Variants in GABRG3 observed in about 807,000 individuals in gnomAD.
GABRG3 encodes the protein gamma-aminobutyric acid type A receptor subunit gamma3.
A neutral mutation model predicts 48.8 loss-of-function variants in GABRG3; 25 were observed. The observed-to-expected ratio is 0.51, with a 90% confidence interval of 0.37 to 0.72. The LOEUF is 0.72. Among genes scored for constraint, GABRG3 ranks in the 30% least tolerant of loss-of-function variants. The probability of loss-of-function intolerance (pLI) is 0.00; values close to 1 mark genes in which losing one functional copy is unlikely to be tolerated. For synonymous variants in GABRG3, 227 were observed against 217.6 expected, an observed-to-expected ratio of 1.04 and a Z score of -0.38; for missense variants, 394 against 577.9, an observed-to-expected ratio of 0.68 and a Z score of 3.26.
At chr15:27,392,028 A>C (rs28675337) in intron 5 of GABRG3, among the ~76,000 whole-genome samples, 69,450 of 152,030 alleles carry the variant, frequency 0.46, 16,650 homozygotes, top group East Asian at 0.85. Flanking sequence ...ACTGTCTTTA[A>C]ATTTTTTAAA....
At chr15:27,498,797 C>T (rs145780643) in intron 6 of GABRG3, among the ~76,000 whole-genome samples, 168 of 152,112 alleles carry the variant, frequency 1.1e-3, no homozygotes, top group African/African-American at 3.4e-3. Flanking sequence ...TGAGCCACCA[C>T]GCCCGGCCAG....
At chr15:27,328,413 G>A (rs752567610) in intron 4 of GABRG3, among the ~76,000 whole-genome samples, 5 of 152,188 alleles carry the variant, frequency 3.3e-5, no homozygotes, top group Non-Finnish European at 7.4e-5. Context: ...AATCCCCCCC[G>A]ATGCGTGCAT....
In GABRG3 at chr15:26,976,582, G is replaced by C. The variant is rs1290472229; in HGVS notation, c.54-420G>C. On this transcript the variant is annotated intron_variant, in intron 1 of 9. Transcript: ENST00000615808. The surrounding 1 kb of genome is among the most constrained non-coding windows in gnomAD (Gnocchi z 7.8). The stretch of plus-strand genomic sequence containing the variant: ...CTAATCTCACCTTCAACGAAAATGA[G>C]GTCTTGGTGGTCAGGGTGGAAACAC... Among the ~76,000 whole-genome samples the C allele has an allele frequency of 3.3e-5, 5 of 152,118 alleles. No homozygotes were observed. The highest frequency in any genetic ancestry group is 9.7e-5 in the African/African-American group (4 of 41,408).
intron 3 of GABRG3, among the ~76,000 whole-genome samples, chr15:27,031,931 A>G (rs1481369957): frequency 6.6e-6 from 1 of 152,234 alleles, no homozygotes; most frequent in Non-Finnish European, 1.5e-5. Context: ...CGTAAAGTTC[A>G]TAGCAGTTTT....
At chr15:27,107,730 A>G (rs1193629100) in intron 3 of GABRG3, among the ~76,000 whole-genome samples, 1 of 152,012 alleles carries the variant, frequency 6.6e-6, no homozygotes, top group East Asian at 1.9e-4. Flanking sequence ...CAATAAATAT[A>G]TGCTGTTCAG....
At chr15:27,026,973 TA>T (rs28399527) in intron 3 of GABRG3, 152 bp downstream of exon 3, 50,998 of 460,930 alleles carry the variant, frequency 0.11, 2,231 homozygotes, top group East Asian at 0.2. Context: ...TTGAAAATGG[TA>T]AAAAAAAAAA....
intron 3 of GABRG3, among the ~76,000 whole-genome samples, chr15:27,308,708 G>A (rs1405411462): frequency 6.8e-6 from 1 of 147,982 alleles, no homozygotes; most frequent in Non-Finnish European, 1.5e-5. Flanking sequence ...GTAAACATAC[G>A]TTTATATGTA....
intron 3 of GABRG3, among the ~76,000 whole-genome samples, chr15:27,308,245 TATAAACATACGTTTATATATAAACATA>T (rs1373497376): frequency 7.7e-4 from 108 of 140,592 alleles, no homozygotes; most frequent in African/African-American, 2.6e-3. Flanking sequence ...TCCAAACATA[TATAAACATACGTTTATATATAAACATA>T]ATATAAACAT....
chr15:27,356,910 A>T (rs1894859902), intron 5 of GABRG3, among the ~76,000 whole-genome samples: 1 of 152,210 alleles, frequency 6.6e-6, no homozygotes, highest in African/African-American at 2.4e-5. Context: ...TAAGCAATGA[A>T]GTAAATATTT....
intron 5 of GABRG3, among the ~76,000 whole-genome samples, chr15:27,333,452 AC>A (rs765276116): frequency 6.6e-6 from 1 of 151,878 alleles, no homozygotes; most frequent in Non-Finnish European, 1.5e-5. Context: ...CAAAAACAGC[AC>A]CTCTCTCTGA....
intron 5 of GABRG3, among the ~76,000 whole-genome samples, chr15:27,413,126 C>CTT (rs1887845656): frequency 6.6e-6 from 1 of 151,786 alleles, no homozygotes; most frequent in African/African-American, 2.4e-5. Context: ...AGCAAGTAAG[C>CTT]CAATAGATTA....
intron 3 of GABRG3, among the ~76,000 whole-genome samples, chr15:27,313,311 C>CATA (rs1893094089): frequency 1.8e-5 from 1 of 55,544 alleles, no homozygotes; most frequent in East Asian, 8.6e-4. Flanking sequence ...TATATATATA[C>CATA]CCAACATCAG....
At chr15:27,109,268 A>G (rs1897503126) in intron 3 of GABRG3, among the ~76,000 whole-genome samples, 1 of 152,150 alleles carries the variant, frequency 6.6e-6, no homozygotes, top group Non-Finnish European at 1.5e-5. Context: ...CTCCCACTAC[A>G]TGCTGTTTCC....
chr15:26,988,526 C>G (rs1895190344), intron 2 of GABRG3, among the ~76,000 whole-genome samples: 1 of 151,756 alleles, frequency 6.6e-6, no homozygotes, highest in Non-Finnish European at 1.5e-5. Flanking sequence ...CTATGTTTGT[C>G]TTTGTGTTTA....
At chr15:27,325,078 C>G (rs750371854) in intron 3 of GABRG3, among the ~76,000 whole-genome samples, 12 of 152,212 alleles carry the variant, frequency 7.9e-5, no homozygotes, top group Non-Finnish European at 1.6e-4. Flanking sequence ...TCCCACATTC[C>G]TGAGCTCTAA....
intron 5 of GABRG3, chr15:27,350,049 C>T (rs918917030): frequency 3.3e-5 from 15 of 454,102 alleles, no homozygotes; most frequent in Non-Finnish European, 6.6e-5. Flanking sequence ...TGCAGTTTTC[C>T]CCTTTATACA....
At chr15:27,131,343 A>AT (rs1187657512) in intron 3 of GABRG3, among the ~76,000 whole-genome samples, 2 of 151,780 alleles carry the variant, frequency 1.3e-5, no homozygotes, top group Admixed American at 6.6e-5. Flanking sequence ...GCACTGATTG[A>AT]TTTTTTTATG....
chr15:27,112,842 T>C (rs1028325602), intron 3 of GABRG3, among the ~76,000 whole-genome samples: 2 of 152,256 alleles, frequency 1.3e-5, no homozygotes, highest in Non-Finnish European at 2.9e-5. Flanking sequence ...ATTAACTTGC[T>C]AGTTTACAGC....
chr15:27,171,528 A>T (rs1485824876), intron 3 of GABRG3, among the ~76,000 whole-genome samples: 1 of 149,294 alleles, frequency 6.7e-6, no homozygotes, highest in Non-Finnish European at 1.5e-5. Flanking sequence ...ATATATACAT[A>T]TACAGATGTA....
Sources: allele counts gnomAD v4.1 joint callset (sites outside exome capture counted in the v4.1 genomes callset), GRCh38; gene constraint gnomAD v4.1.1; non-coding constraint Gnocchi (gnomAD v3.1); transcripts MANE v1.5; gene names NCBI Gene and HGNC (gene_info 2026-07-23, HGNC 2026-07-21).